Variants in ULK4 observed in about 807,000 individuals in gnomAD.
ULK4 encodes the protein unc-51 like kinase 4, also known as inactive serine/threonine-protein kinase ULK4.
ULK4 carries 133 observed loss-of-function variants against 160.6 expected under a neutral mutation model. The ratio of observed to expected loss-of-function variants is 0.83; its 90% CI spans 0.72 to 0.96. The LOEUF (loss-of-function observed/expected upper bound fraction) is 0.96. ULK4 is among the 40% of genes least tolerant of loss of function. ULK4 has a pLI of 0.00. For synonymous variants in ULK4, 534 were observed against 539.8 expected (o/e 0.99, Z 0.15); for missense variants, 1,580 against 1,499.5 (o/e 1.05, Z -0.89).
chr3:41,483,851 A>T (rs1312490477), intron 32 of ULK4, among the ~76,000 whole-genome samples: 1 of 152,214 alleles, frequency 6.6e-6, no homozygotes, highest in Non-Finnish European at 1.5e-5. Flanking sequence ...GAATACTACA[A>T]GACGTATGAC....
chr3:41,827,411 T>C (rs2041401360), intron 18 of ULK4, among the ~76,000 whole-genome samples: 1 of 151,920 alleles, frequency 6.6e-6, no homozygotes, highest in Non-Finnish European at 1.5e-5. Context: ...GATAGACCAC[T>C]AGCAAGACTA....
At chr3:41,294,298 T>C (rs2079628375) in intron 35 of ULK4, among the ~76,000 whole-genome samples, 1 of 152,176 alleles carries the variant, frequency 6.6e-6, no homozygotes. Context: ...AGGTGCCATC[T>C]TGGAAGCAGG....
At chr3:41,934,715 T>C (rs1326532239) in intron 4 of ULK4, among the ~76,000 whole-genome samples, 1 of 152,202 alleles carries the variant, frequency 6.6e-6, no homozygotes, top group African/African-American at 2.4e-5. Context: ...TCTACTATAC[T>C]GAAGCACATT....
intron 35 of ULK4, among the ~76,000 whole-genome samples, chr3:41,395,656 A>G (rs1310576247): frequency 6.6e-6 from 1 of 152,192 alleles, no homozygotes; most frequent in Admixed American, 6.6e-5. Flanking sequence ...TAATAGGCAC[A>G]GAGTTTCAGT....
chr3:41,519,841 C>A (rs1283612924), intron 32 of ULK4, among the ~76,000 whole-genome samples: 3 of 152,116 alleles, frequency 2.0e-5, no homozygotes, highest in Non-Finnish European at 4.4e-5. Context: ...GCATATGTAT[C>A]AACTTAAATT....
chr3:41,483,563 C>T (rs2084401954), intron 32 of ULK4, among the ~76,000 whole-genome samples: 1 of 152,132 alleles, frequency 6.6e-6, no homozygotes, highest in Non-Finnish European at 1.5e-5. Flanking sequence ...CTTTCCTGGG[C>T]AACTTTCTGT....
At chr3:41,703,836 A>ACACG (rs2036767554) in intron 27 of ULK4, among the ~76,000 whole-genome samples, 2 of 13,452 alleles carry the variant, frequency 1.5e-4, no homozygotes, top group Non-Finnish European at 2.1e-4. Flanking sequence ...ATGCGCATGC[A>ACACG]CACACACACA....
chr3:41,626,566 C>T (rs2033519666), intron 30 of ULK4, among the ~76,000 whole-genome samples: 1 of 148,734 alleles, frequency 6.7e-6, no homozygotes, highest in African/African-American at 2.5e-5. Flanking sequence ...CTCGCTGTCA[C>T]CCAGGCTGGA....
At chr3:41,424,287 T>C (rs2125839720) in intron 34 of ULK4, among the ~76,000 whole-genome samples, 1 of 152,274 alleles carries the variant, frequency 6.6e-6, no homozygotes, top group African/African-American at 2.4e-5. Context: ...ACTGAGCCCC[T>C]GGGGGGAGGG....
intron 35 of ULK4, among the ~76,000 whole-genome samples, chr3:41,304,988 C>T (rs749526148): frequency 2.6e-5 from 4 of 152,158 alleles, no homozygotes; most frequent in Non-Finnish European, 5.9e-5. Context: ...GGAACATTCT[C>T]CTAATATAGA....
intron 19 of ULK4, among the ~76,000 whole-genome samples, chr3:41,806,036 T>C (rs1273996543): frequency 6.9e-6 from 1 of 144,908 alleles, no homozygotes; most frequent in Non-Finnish European, 1.5e-5. Flanking sequence ...TTTCTATTGA[T>C]TGGAATAGTT....
intron 32 of ULK4, among the ~76,000 whole-genome samples, chr3:41,484,678 T>C (rs1000588783): frequency 6.6e-6 from 1 of 152,056 alleles, no homozygotes; most frequent in Non-Finnish European, 1.5e-5. Context: ...GGTCTTGATC[T>C]CCTGACCTTA....
chr3:41,250,999 T>A (rs2078733279), intron 35 of ULK4: 1 of 152,200 alleles, frequency 6.6e-6, no homozygotes, highest in Admixed American at 6.5e-5. Flanking sequence ...CTCAAACAGG[T>A]CAGCTGACTA....
At chr3:41,934,249 T>C (rs1699690191) in intron 4 of ULK4, among the ~76,000 whole-genome samples, 1 of 152,202 alleles carries the variant, frequency 6.6e-6, no homozygotes, top group South Asian at 2.1e-4. Context: ...ACAATGACAG[T>C]TGAGTAGCTG....
chr3:41,400,216 A>G (rs1285783201), intron 34 of ULK4, among the ~76,000 whole-genome samples: 2 of 152,058 alleles, frequency 1.3e-5, no homozygotes, highest in Admixed American at 6.6e-5. Context: ...CTAATTTTAT[A>G]TCTTTTTGTG....
chr3:41,960,369 C>CTT lies in ULK4; in HGVS notation c.-49+1645_-49+1646dup, dbSNP rs11456275. Among the ~76,000 whole-genome samples, 166 of 135,282 alleles carry CTT rather than the reference C, an allele frequency of 1.2e-3. 1 individual carries two copies. Among genetic ancestry groups the CTT allele is most frequent in the African/African-American group, 5.2e-3 (158 of 30,386 alleles). 88.8% of individuals were successfully genotyped at this position (135,282 alleles called of 152,430 possible). The stretch of plus-strand genomic sequence containing the variant: ...AATAAGAATTGGATCAAATGATTTT[C>CTT]TTTTTTTTTTTTGGACAGGGTCTCA... On this transcript the variant is annotated intron_variant, in intron 1 of 36. Coordinates refer to ENST00000301831, the MANE Select transcript of ULK4 (RefSeq NM_017886.4).
intron 35 of ULK4, among the ~76,000 whole-genome samples, chr3:41,320,839 C>T (rs1459689322): frequency 6.6e-6 from 1 of 152,172 alleles, no homozygotes. Flanking sequence ...ATCACTTGAA[C>T]CTGGGAGGTA....
intron 35 of ULK4, among the ~76,000 whole-genome samples, chr3:41,377,765 C>T (rs1378292806): frequency 6.7e-6 from 1 of 148,354 alleles, no homozygotes; most frequent in Non-Finnish European, 1.5e-5. Context: ...AACACTTTTA[C>T]ACTGTTGGTG....
intron 30 of ULK4, among the ~76,000 whole-genome samples, chr3:41,626,520 A>T (rs2033515491): frequency 6.6e-6 from 1 of 151,482 alleles, no homozygotes; most frequent in South Asian, 2.1e-4. Context: ...CATGTAAGAA[A>T]GTACATTGCT....
Sources: gnomAD v4.1 joint callset for allele counts (sites outside exome capture counted in the v4.1 genomes callset) on GRCh38, gnomAD v4.1.1 for gene constraint, MANE v1.5 for transcripts, NCBI Gene and HGNC (gene_info 2026-07-23, HGNC 2026-07-21) for gene names.